Variants in PYGO1 observed in about 807,000 individuals in gnomAD.
PYGO1 encodes the protein pygopus homolog 1.
PYGO1 carries 6 observed loss-of-function variants against 29.5 expected under a neutral mutation model. The observed-to-expected ratio is 0.20, with a 90% CI of 0.11 to 0.40. The LOEUF (loss-of-function observed/expected upper bound fraction) is 0.40. Ranked by LOEUF, PYGO1 falls within the 10% of genes least tolerant of loss-of-function variation. The pLI is 1.00. For missense variants in PYGO1, 515 were observed against 514.9 expected (o/e 1.00, Z 0.00); for synonymous variants, 186 against 180.5 (o/e 1.03, Z -0.24).
At chr15:55,553,023 T>C (rs938738997) in intron 1 of PYGO1, among the ~76,000 whole-genome samples, 1 of 152,132 alleles carries the variant, frequency 6.6e-6, no homozygotes, top group Non-Finnish European at 1.5e-5. Flanking sequence ...GTGGCCGCCA[T>C]CTCTGCAGTT....
intron 1 of PYGO1, among the ~76,000 whole-genome samples, 192 bp downstream of exon 1, chr15:55,587,643 C>A (rs1248234697): frequency 6.6e-6 from 1 of 151,860 alleles, no homozygotes; most frequent in Non-Finnish European, 1.5e-5. Flanking sequence ...GGGATCCGCG[C>A]GGATGTCTCG....
rs1261901212 is a variant in PYGO1, at chr15:55,587,913, G to C, written c.-30C>G. 3 of 1,463,984 alleles carry C rather than the reference G, an allele frequency of 2.0e-6. No homozygotes were observed. Among genetic ancestry groups the C allele is most frequent in the South Asian group, 2.6e-5 (2 of 77,564 alleles). 90.7% of individuals were successfully genotyped at this position (1,463,984 alleles called of 1,614,324 possible). ...GACCGCAAAGCATGACTCCCCCCCA[G>C]GCCGCGGGAATTCGGTCTCTTTGAT... On this transcript the variant is annotated 5_prime_UTR_variant, in exon 1 of 3. Coordinates refer to ENST00000563719, the MANE Select transcript of PYGO1 (RefSeq NM_001367806.1).
rs534559031 is a variant in PYGO1 at position 55,544,414 on chromosome 15, T to C, written c.*1609A>G. 3.9e-5 allele frequency: 6 copies of C among 152,276 alleles called. No individual in the cohort carries two copies. Among genetic ancestry groups the C allele is most frequent in the Non-Finnish European group, 7.4e-5 (5 of 68,008 alleles). The allele number at this position is 152,276 out of a possible 1,614,324, so 9.4% of individuals were successfully genotyped here. ...GCTCCAAATGATAGACAGTAGTCCA[T>C]GGAATAAAGGTCCAGTGACTAAAAT... On this transcript the variant is annotated 3_prime_UTR_variant, in exon 3 of 3. Coordinates refer to ENST00000563719, the MANE Select transcript of PYGO1 (RefSeq NM_001367806.1).
At chr15:55,569,466 T>C (rs1021551507) in intron 1 of PYGO1, among the ~76,000 whole-genome samples, 1 of 152,198 alleles carries the variant, frequency 6.6e-6, no homozygotes, top group Non-Finnish European at 1.5e-5. Context: ...ATCCCAGATA[T>C]TTTGGTATGT....
At chr15:55,559,479 G>C (rs1309630684) in intron 1 of PYGO1, among the ~76,000 whole-genome samples, 1 of 152,046 alleles carries the variant, frequency 6.6e-6, no homozygotes, top group Non-Finnish European at 1.5e-5. Flanking sequence ...CCCATTACTG[G>C]GTATATACCC....
chr15:55,545,806 TTA>T lies in PYGO1; in HGVS notation c.*215_*216del, dbSNP rs199725290. 7 of 393,682 alleles carry T rather than the reference TTA, an allele frequency of 1.8e-5. No homozygotes were observed. The highest frequency in any genetic ancestry group is 1.2e-4 in the African/African-American group (6 of 48,104). The allele number at this position is 393,682 out of a possible 1,614,324, so 24.4% of individuals were successfully genotyped here. On this transcript the variant is annotated 3_prime_UTR_variant, in exon 3 of 3. Transcript: ENST00000563719. ...ATAAATAACAACAACTAACATTTATTTATGTTTCTAAAGCACCCCCATATACA... is the reference window on the plus strand; with the variant it reads ...ATAAATAACAACAACTAACATTTATTTGTTTCTAAAGCACCCCCATATACA...
At chr15:55,580,892 TG>T (rs2059022438) in intron 1 of PYGO1, among the ~76,000 whole-genome samples, 1 of 152,096 alleles carries the variant, frequency 6.6e-6, no homozygotes, top group African/African-American at 2.4e-5. Context: ...TCTACACACC[TG>T]GGAAAAGCAA....
intron 1 of PYGO1, among the ~76,000 whole-genome samples, chr15:55,558,565 G>T (rs2058917938): frequency 6.6e-6 from 1 of 152,020 alleles, no homozygotes; most frequent in African/African-American, 2.4e-5. Flanking sequence ...AAAGAACAAA[G>T]CTGGAGGAAT....
Position 55,545,827 on chromosome 15 carries a change from A to G in PYGO1, c.*196T>C. 1.9e-6 allele frequency: 1 copy of G among 528,326 alleles called. No homozygotes were observed. Among genetic ancestry groups the G allele is most frequent in the Non-Finnish European group, 3.2e-6 (1 of 310,670 alleles). The allele number at this position is 528,326 out of a possible 1,614,324, so 32.7% of individuals were successfully genotyped here. ...TTATTTATGTTTCTAAAGCACCCCC[A>G]TATACATTATTCTCATTTAAGACAG... On this transcript the variant is annotated 3_prime_UTR_variant, in exon 3 of 3. Transcript: ENST00000563719.
intron 2 of PYGO1, among the ~76,000 whole-genome samples, chr15:55,548,463 T>C (rs1183978867): frequency 1.3e-5 from 2 of 151,312 alleles, no homozygotes; most frequent in Non-Finnish European, 2.9e-5. Context: ...ATCCTAGCAC[T>C]TTGGGAGGCC....
intron 1 of PYGO1, among the ~76,000 whole-genome samples, chr15:55,564,340 A>C (rs2141661889): frequency 6.6e-6 from 1 of 152,350 alleles, no homozygotes; most frequent in South Asian, 2.1e-4. Context: ...GCATGATTCC[A>C]TTTATAGGAA....
At chr15:55,581,790 A>T (rs1458601157) in intron 1 of PYGO1, among the ~76,000 whole-genome samples, 1 of 145,956 alleles carries the variant, frequency 6.9e-6, no homozygotes, top group Non-Finnish European at 1.5e-5. Flanking sequence ...GTGGAAATGG[A>T]TTAAGAGGGA....
intron 1 of PYGO1, among the ~76,000 whole-genome samples, chr15:55,579,745 G>A (rs2059018187): frequency 6.6e-6 from 1 of 152,088 alleles, no homozygotes; most frequent in East Asian, 1.9e-4. Context: ...ATTTATAAAT[G>A]GACAAAATAT....
intron 1 of PYGO1, among the ~76,000 whole-genome samples, chr15:55,567,057 C>T (rs891709487): frequency 6.6e-6 from 1 of 151,870 alleles, no homozygotes; most frequent in African/African-American, 2.4e-5. Context: ...TAAAAATAGC[C>T]ATTCTGACTG....
At chr15:55,567,378 CTTTAT>C (rs2058961664) in intron 1 of PYGO1, among the ~76,000 whole-genome samples, 1 of 151,222 alleles carries the variant, frequency 6.6e-6, no homozygotes, top group South Asian at 2.1e-4. Context: ...TGGCTAATTT[CTTTAT>C]TTTTTGTAGA....
intron 1 of PYGO1, among the ~76,000 whole-genome samples, chr15:55,549,684 CAAT>C (rs1341567327): frequency 6.6e-6 from 1 of 152,096 alleles, no homozygotes; most frequent in African/African-American, 2.4e-5. Flanking sequence ...AAAAATGCAA[CAAT>C]GTTTCCAAAT....
At position 55,583,520 on chromosome 15, in the gene PYGO1, GTTTTC is replaced by G. The variant is rs1425504721; in HGVS notation, c.49+4310_49+4314del. On this transcript the variant is annotated intron_variant, in intron 1 of 2. Coordinates refer to ENST00000563719, the MANE Select transcript of PYGO1 (RefSeq NM_001367806.1). ...TTACCACATTTTTTTGTTTGTTTTT[GTTTTC>G]TTTTGTTTTGAGACAGGGTCTTGCT... 2.6e-5 allele frequency among the ~76,000 whole-genome samples: 4 copies of G among 151,354 alleles called. No homozygotes were observed. In the East Asian group the frequency reaches 7.8e-4, roughly 30 times the overall value.
intron 1 of PYGO1, among the ~76,000 whole-genome samples, chr15:55,560,335 T>A (rs1040769832): frequency 6.6e-6 from 1 of 152,090 alleles, no homozygotes; most frequent in Non-Finnish European, 1.5e-5. Flanking sequence ...CAGCAAAATC[T>A]CAGGATATAA....
Position 55,543,244 on chromosome 15 carries a change from C to T in PYGO1, c.*2779G>A, listed in dbSNP as rs1595978325. On this transcript the variant is annotated 3_prime_UTR_variant, in exon 3 of 3. Transcript: ENST00000563719. The stretch of plus-strand genomic sequence containing the variant: ...AAGCCATTTCAGTTTGTATAATAGC[C>T]TTCTTCAGACAAATTATCATCTGGC... 1 of 152,148 alleles carries T rather than the reference C, an allele frequency of 6.6e-6. No homozygotes were observed. Among genetic ancestry groups the T allele is most frequent in the South Asian group, 2.1e-4 (1 of 4,830 alleles). 9.4% of individuals were successfully genotyped at this position (152,148 alleles called of 1,614,324 possible).
Sources: gnomAD v4.1 joint callset for allele counts (sites outside exome capture counted in the v4.1 genomes callset) on GRCh38, gnomAD v4.1.1 for gene constraint, MANE v1.5 for transcripts, NCBI Gene and HGNC (gene_info 2026-07-23, HGNC 2026-07-21) for gene names.